Variants in NRCAM observed in about 807,000 individuals in gnomAD.
NRCAM encodes the protein neuronal cell adhesion molecule, also known as NgCAM-related cell adhesion molecule.
Under a neutral mutation model 156.5 loss-of-function variants are expected in NRCAM, and 83 were observed. The ratio of observed to expected loss-of-function variants is 0.53; its 90% CI spans 0.44 to 0.64. The LOEUF (loss-of-function observed/expected upper bound fraction) is 0.64. Among genes scored for constraint, NRCAM ranks in the 30% least tolerant of loss-of-function variants. NRCAM has a pLI of 0.00. For synonymous variants in NRCAM, 538 were observed against 563.9 expected (o/e 0.95, Z 0.65); for missense variants, 1,417 against 1,597.3 (o/e 0.89, Z 1.92).
intron 2 of NRCAM, among the ~76,000 whole-genome samples, chr7:108,353,280 A>C (rs9942691): frequency 2.0e-5 from 3 of 151,890 alleles, no homozygotes; most frequent in Non-Finnish European, 2.9e-5. Flanking sequence ...TTAGAATCCT[A>C]AATCCTGTCA....
intron 3 of NRCAM, among the ~76,000 whole-genome samples, chr7:108,285,121 T>C (rs2098037870): frequency 6.6e-6 from 1 of 152,232 alleles, no homozygotes; most frequent in Non-Finnish European, 1.5e-5. Context: ...AGCTAAACCA[T>C]CTGAGCTCTA....
At chr7:108,386,018 C>T (rs1254419426) in intron 2 of NRCAM, among the ~76,000 whole-genome samples, 1 of 152,006 alleles carries the variant, frequency 6.6e-6, no homozygotes, top group Non-Finnish European at 1.5e-5. Context: ...CTAGGCTGAG[C>T]TGTCAGGAGT....
chr7:108,191,362 CTG>C (rs1002035864), intron 18 of NRCAM, 79 bp from the exon 19 acceptor site: 29 of 1,082,312 alleles, frequency 2.7e-5, no homozygotes, highest in Non-Finnish European at 3.5e-5. Context: ...ATGACAAAGA[CTG>C]TACATTATTC....
chr7:108,216,720 T>C (rs970936086), intron 11 of NRCAM, among the ~76,000 whole-genome samples: 23 of 152,224 alleles, frequency 1.5e-4, no homozygotes, highest in Non-Finnish European at 2.5e-4. Flanking sequence ...TCAATACTTG[T>C]GTATGCGTCA....
At chr7:108,297,654 C>T (rs1305227350) in intron 3 of NRCAM, among the ~76,000 whole-genome samples, 1 of 151,978 alleles carries the variant, frequency 6.6e-6, no homozygotes, top group East Asian at 1.9e-4. Flanking sequence ...CCTCACAAAC[C>T]TTACATTCTA....
In NRCAM at chr7:108,207,670, G is replaced by A. The variant is rs771293193; in HGVS notation, c.1076-11C>T. Reference sequence around the variant, plus strand: ...TCCAGTATGGAGCCGCTTTATAGGAGGAAGAAAAAAGACCAAAAATCTGAA... The same window carrying A: ...TCCAGTATGGAGCCGCTTTATAGGAAGAAGAAAAAAGACCAAAAATCTGAA... On this transcript the variant is annotated splice_polypyrimidine_tract_variant and intron_variant, in intron 12 of 32. Coordinates refer to ENST00000379028, the MANE Select transcript of NRCAM (RefSeq NM_001037132.4). 1.1e-5 allele frequency: 17 copies of A among 1,580,342 alleles called. No individual in the cohort carries two copies. The highest frequency in any genetic ancestry group is 1.4e-5 in the Non-Finnish European group (16 of 1,167,686).
At chr7:108,336,232 T>G (rs944383811) in intron 2 of NRCAM, among the ~76,000 whole-genome samples, 3 of 152,210 alleles carry the variant, frequency 2.0e-5, no homozygotes, top group Non-Finnish European at 4.4e-5. Flanking sequence ...CTTCTACAAG[T>G]CCAGTGCCCC....
At chr7:108,335,147 A>G (rs1357068316) in intron 2 of NRCAM, among the ~76,000 whole-genome samples, 3 of 152,212 alleles carry the variant, frequency 2.0e-5, no homozygotes, top group Non-Finnish European at 4.4e-5. Context: ...ATGGAGCTGG[A>G]ATTTGTTAGT....
At chr7:108,176,741 G>C in intron 26 of NRCAM, 135 bp from the exon 27 acceptor site, 1 of 641,474 alleles carries the variant, frequency 1.6e-6, no homozygotes, top group Non-Finnish European at 2.7e-6. Flanking sequence ...TCTTTCCCCA[G>C]CATAACTAAG....
intron 22 of NRCAM, among the ~76,000 whole-genome samples, chr7:108,183,832 G>A (rs1399542852): frequency 6.6e-6 from 1 of 152,146 alleles, no homozygotes; most frequent in African/African-American, 2.4e-5. Context: ...ACTGGCCCCA[G>A]GTGGTTCTTT....
intron 1 of NRCAM, among the ~76,000 whole-genome samples, chr7:108,432,899 G>A (rs554142625): frequency 1.1e-4 from 17 of 150,588 alleles, no homozygotes; most frequent in African/African-American, 3.2e-4. Flanking sequence ...AAAAAAGAAA[G>A]AGAGAGAGAG....
At chr7:108,418,599 ACG>A (rs1491562986) in intron 1 of NRCAM, among the ~76,000 whole-genome samples, 3 of 143,240 alleles carry the variant, frequency 2.1e-5, no homozygotes, top group East Asian at 2.1e-4. Flanking sequence ...ACACACACAC[ACG>A]CACTGAAAGT....
chr7:108,347,591 A>T (rs1459294488), intron 2 of NRCAM, among the ~76,000 whole-genome samples: 1 of 152,192 alleles, frequency 6.6e-6, no homozygotes, highest in African/African-American at 2.4e-5. Context: ...TCCCCAAAAA[A>T]ATCCTTCTAA....
At chr7:108,161,583 A>G (rs1440252145) in intron 30 of NRCAM, among the ~76,000 whole-genome samples, 4 of 152,224 alleles carry the variant, frequency 2.6e-5, no homozygotes, top group Non-Finnish European at 5.9e-5. Context: ...CATGCTTTTA[A>G]TTTGACTGAA....
intron 3 of NRCAM, among the ~76,000 whole-genome samples, chr7:108,250,302 TGTA>T (rs2096253241): frequency 6.6e-6 from 1 of 151,868 alleles, no homozygotes; most frequent in African/African-American, 2.4e-5. Context: ...GGCGAGCACC[TGTA>T]GTCCCAACTA....
At chr7:108,268,637 GGGGGGGGC>G (rs2097210180) in intron 3 of NRCAM, among the ~76,000 whole-genome samples, 2 of 48,590 alleles carry the variant, frequency 4.1e-5, no homozygotes, top group Non-Finnish European at 8.0e-5. Flanking sequence ...GGGGGGGGTT[GGGGGGGGC>G]GGCGGTGGCG....
rs536061828 is a variant in NRCAM, at chr7:108,396,555, A to G, written c.-174+2881T>C. ...ACTGTAATTAACCACAATTTATTGT[A>G]TATTTCAAAATAGCTAGAAGAAAGA... is the stretch of plus-strand genomic sequence containing the variant. On this transcript the variant is annotated intron_variant, in intron 2 of 32. Transcript: ENST00000379028. 5.9e-5 allele frequency among the ~76,000 whole-genome samples: 9 copies of G among 152,356 alleles called. No individual in the cohort carries two copies. The East Asian group carries it at 1.7e-3, about 29-fold the overall frequency.
rs1447279828 is a variant in NRCAM, at chr7:108,390,887, A to G, written c.-174+8549T>C. ...TTTCCATGTAGTTGAGCAGTTTTGA[A>G]TGAGTTTCTTAATCCTGAGTTCTAG... On this transcript the variant is annotated intron_variant, in intron 2 of 32. Coordinates refer to ENST00000379028, the MANE Select transcript of NRCAM (RefSeq NM_001037132.4). Among the ~76,000 whole-genome samples, 7 of 150,262 alleles carry G rather than the reference A, an allele frequency of 4.7e-5. No homozygotes were observed. In the East Asian group the frequency reaches 6.0e-4, roughly 13 times the overall value.
intron 11 of NRCAM, among the ~76,000 whole-genome samples, chr7:108,210,243 G>GTTTTTTT (rs201295525): frequency 6.7e-6 from 1 of 149,606 alleles, no homozygotes; most frequent in African/African-American, 2.5e-5. Flanking sequence ...GTCACCCAAT[G>GTTTTTTT]TTTTGTTTTG....
Sources: allele counts gnomAD v4.1 joint callset (sites outside exome capture counted in the v4.1 genomes callset), GRCh38; gene constraint gnomAD v4.1.1; transcripts MANE v1.5; gene names NCBI Gene and HGNC (gene_info 2026-07-23, HGNC 2026-07-21).